PALD1: variants seen among roughly 807,000 people sequenced by gnomAD.
PALD1 encodes phosphatase domain containing paladin 1.
In PALD1, 57 loss-of-function variants were observed where a neutral mutation model predicts 96.0. The ratio of observed to expected loss-of-function variants is 0.59; its 90% CI spans 0.48 to 0.74. PALD1 has a LOEUF of 0.74. Ranked by LOEUF, PALD1 falls within the 30% of genes least tolerant of loss-of-function variation. The probability of loss-of-function intolerance (pLI) is 0.00; values close to 1 mark genes in which losing one functional copy is unlikely to be tolerated. For synonymous variants in PALD1, 464 were observed against 473.6 expected (o/e 0.98, Z 0.26); for missense variants, 1,063 against 1,143.7 (o/e 0.93, Z 1.02).
chr10:70,555,245 G>C (rs1189395128), intron 18 of PALD1, among the ~76,000 whole-genome samples: 1 of 151,484 alleles, frequency 6.6e-6, no homozygotes, highest in Non-Finnish European at 1.5e-5. Flanking sequence ...ACAGTGCTGG[G>C]ATTACAGGTG....
intron 1 of PALD1, among the ~76,000 whole-genome samples, chr10:70,513,478 C>T (rs1274919138): frequency 1.3e-4 from 20 of 152,156 alleles, no homozygotes; most frequent in Admixed American, 1.3e-3. Flanking sequence ...CCACTGCCCT[C>T]CAGCCTGGGC....
intron 18 of PALD1, among the ~76,000 whole-genome samples, chr10:70,549,868 A>G (rs1847445247): frequency 6.6e-6 from 1 of 152,126 alleles, no homozygotes. Context: ...GTGTTTTTTA[A>G]TGAGAGAGGA....
At chr10:70,506,155 C>T (rs1223122271) in intron 1 of PALD1, among the ~76,000 whole-genome samples, 1 of 152,212 alleles carries the variant, frequency 6.6e-6, no homozygotes, top group African/African-American at 2.4e-5. Flanking sequence ...TACCCAAAGG[C>T]TAAGATTCAG....
the PALD1 span, among the ~76,000 whole-genome samples, chr10:70,459,193 C>T: frequency 1.3e-5 from 2 of 151,890 alleles, no homozygotes; most frequent in Non-Finnish European, 2.9e-5. Flanking sequence ...ACATTTTGCA[C>T]AGTTACCTCA....
chr10:70,471,261 G>A, the PALD1 span, among the ~76,000 whole-genome samples: 1 of 152,204 alleles, frequency 6.6e-6, no homozygotes, highest in African/African-American at 2.4e-5. Context: ...ACTCAGCCTC[G>A]ATAGTATTAT....
chr10:70,560,644 T>A (rs150406811), intron 18 of PALD1, among the ~76,000 whole-genome samples: 37 of 151,828 alleles, frequency 2.4e-4, no homozygotes, highest in African/African-American at 8.2e-4. Flanking sequence ...CAGCCCTGCC[T>A]CAGTGGGCCT....
At chr10:70,543,418 G>A (rs1847294589) in intron 17 of PALD1, among the ~76,000 whole-genome samples, 1 of 152,150 alleles carries the variant, frequency 6.6e-6, no homozygotes, top group Non-Finnish European at 1.5e-5. Flanking sequence ...TTTGTTGCCT[G>A]TGCCCTTGGT....
chr10:70,464,212 C>CTT, the PALD1 span, among the ~76,000 whole-genome samples: 69,912 of 132,756 alleles, frequency 0.53, 20,766 homozygotes, highest in Non-Finnish European at 0.67. Flanking sequence ...TTGTATCTGG[C>CTT]TTTTTTTTTT....
chr10:70,547,917 G>A (rs919401001), intron 18 of PALD1, among the ~76,000 whole-genome samples: 7 of 152,132 alleles, frequency 4.6e-5, no homozygotes, highest in Non-Finnish European at 1.0e-4. Context: ...CTCAGGACGT[G>A]GGTATGTCTG....
intron 1 of PALD1, among the ~76,000 whole-genome samples, chr10:70,522,526 T>A (rs976214514): frequency 3.9e-5 from 6 of 152,188 alleles, no homozygotes; most frequent in Non-Finnish European, 8.8e-5. Context: ...CAGATCCCAC[T>A]GCAATGTGGC....
chr10:70,564,326 A>G (rs1296198924), intron 18 of PALD1, 38 bp from the exon 19 acceptor site: 1 of 1,575,666 alleles, frequency 6.3e-7, no homozygotes, highest in Non-Finnish European at 8.6e-7. Context: ...GGGGACACGG[A>G]TCCCCCCACA....
chr10:70,484,745 A>T (rs2894121), intron 1 of PALD1, among the ~76,000 whole-genome samples: 120,889 of 151,948 alleles, frequency 0.8, 49,342 homozygotes, highest in East Asian at 0.94. Context: ...TGCCATTTTG[A>T]CCAGGTTGGT....
chr10:70,493,670 C>T (rs943489064), intron 1 of PALD1, among the ~76,000 whole-genome samples: 2 of 152,238 alleles, frequency 1.3e-5, no homozygotes, highest in African/African-American at 4.8e-5. Context: ...TCAGGCCAAA[C>T]ACTGCAAAGC....
At chr10:70,529,096 A>G in intron 2 of PALD1, 133 bp from the exon 3 acceptor site, 1 of 610,028 alleles carries the variant, frequency 1.6e-6, no homozygotes, top group Non-Finnish European at 3.0e-6. Flanking sequence ...ATATTGAGGG[A>G]CAATGGGCAG....
At chr10:70,468,404 C>T in the PALD1 span, among the ~76,000 whole-genome samples, 1 of 151,994 alleles carries the variant, frequency 6.6e-6, no homozygotes, top group Non-Finnish European at 1.5e-5. Flanking sequence ...ACACCATGCC[C>T]AGCTAATTTT....
chr10:70,487,237 C>A (rs1846029053), intron 1 of PALD1, among the ~76,000 whole-genome samples: 1 of 150,604 alleles, frequency 6.6e-6, no homozygotes, highest in African/African-American at 2.5e-5. Flanking sequence ...AGGTTCACGT[C>A]ATTCTCCTGC....
chr10:70,500,735 G>A (rs1846277468), intron 1 of PALD1, among the ~76,000 whole-genome samples: 2 of 152,304 alleles, frequency 1.3e-5, no homozygotes, highest in South Asian at 4.1e-4. Flanking sequence ...TCTGTGGATT[G>A]GGGATTATAG....
intron 1 of PALD1, among the ~76,000 whole-genome samples, chr10:70,491,541 C>T (rs989420209): frequency 1.1e-4 from 17 of 152,172 alleles, no homozygotes; most frequent in African/African-American, 4.1e-4. Flanking sequence ...AATTGTAGGG[C>T]ACTGCTTGCT....
At chr10:70,548,977 G>A (rs1847423451) in intron 18 of PALD1, among the ~76,000 whole-genome samples, 1 of 148,962 alleles carries the variant, frequency 6.7e-6, no homozygotes. Context: ...GGGAGACTCA[G>A]GCAGGAGGAT....
Sources: gnomAD v4.1 joint callset for allele counts (sites outside exome capture counted in the v4.1 genomes callset) on GRCh38, gnomAD v4.1.1 for gene constraint, MANE v1.5 for transcripts, NCBI Gene and HGNC (gene_info 2026-07-23, HGNC 2026-07-21) for gene names.